Variants in EPHB1 observed in about 807,000 individuals in gnomAD.
The protein encoded by EPHB1 is EPH receptor B1, also known as ephrin type-B receptor 1.
A neutral mutation model predicts 94.4 loss-of-function variants in EPHB1; 30 were observed. The ratio of observed to expected loss-of-function variants is 0.32; its 90% CI spans 0.24 to 0.43. EPHB1 has a LOEUF of 0.43. EPHB1 is among the 20% of genes least tolerant of loss of function. EPHB1 has a pLI of 1.00. For missense variants in EPHB1, 1,055 were observed against 1,308.3 expected, an observed-to-expected ratio of 0.81 and a Z score of 2.99; for synonymous variants, 522 against 489.1, an observed-to-expected ratio of 1.07 and a Z score of -0.89.
chr3:135,095,311 G>T (rs894521147), intron 3 of EPHB1, among the ~76,000 whole-genome samples: 4 of 152,110 alleles, frequency 2.6e-5, no homozygotes, highest in Non-Finnish European at 5.9e-5. Context: ...CCCGTGCCTG[G>T]CATCTAGTAG....
At chr3:134,972,396 G>A (rs1339621172) in intron 3 of EPHB1, among the ~76,000 whole-genome samples, 1 of 144,054 alleles carries the variant, frequency 6.9e-6, no homozygotes, top group African/African-American at 2.5e-5. Context: ...AAATATATAA[G>A]TATATTATAT....
chr3:135,131,073 C>G (rs1041816346), intron 4 of EPHB1, among the ~76,000 whole-genome samples: 10 of 152,178 alleles, frequency 6.6e-5, no homozygotes, highest in African/African-American at 2.2e-4. Flanking sequence ...CCAGCACTAG[C>G]TATGTGATTA....
intron 3 of EPHB1, among the ~76,000 whole-genome samples, chr3:135,078,162 C>T (rs1049232972): frequency 1.3e-5 from 2 of 152,196 alleles, no homozygotes; most frequent in Admixed American, 6.5e-5. Context: ...GGTAAGAGGC[C>T]AGGCTCTTAA....
At chr3:134,801,915 T>C (rs1247775002) in intron 1 of EPHB1, among the ~76,000 whole-genome samples, 1 of 152,206 alleles carries the variant, frequency 6.6e-6, no homozygotes, top group Non-Finnish European at 1.5e-5. Flanking sequence ...GGGAACACAC[T>C]TTCCAGGGAG....
At chr3:135,014,275 G>T (rs1414594249) in intron 3 of EPHB1, among the ~76,000 whole-genome samples, 1 of 152,170 alleles carries the variant, frequency 6.6e-6, no homozygotes, top group African/African-American at 2.4e-5. Flanking sequence ...GGACAGAAGC[G>T]CCATCCAGAA....
At chr3:135,193,198 C>G (rs1302428757) in intron 11 of EPHB1, among the ~76,000 whole-genome samples, 1 of 152,218 alleles carries the variant, frequency 6.6e-6, no homozygotes, top group Admixed American at 6.5e-5. Context: ...AGCACAGCCA[C>G]CCTCCCAGAC....
chr3:135,113,112 A>G (rs940641), intron 4 of EPHB1, among the ~76,000 whole-genome samples: 7,212 of 152,260 alleles, frequency 0.047, 473 homozygotes, highest in African/African-American at 0.15. Flanking sequence ...AAGGTCAAAG[A>G]TCAATAAGAG....
At chr3:134,862,448 T>G (rs2037285611) in intron 1 of EPHB1, among the ~76,000 whole-genome samples, 1 of 151,836 alleles carries the variant, frequency 6.6e-6, no homozygotes, top group South Asian at 2.1e-4. Flanking sequence ...GTCATGGATT[T>G]ATTTTTCTGA....
At chr3:135,008,580 G>A (rs1935507570) in intron 3 of EPHB1, among the ~76,000 whole-genome samples, 1 of 152,218 alleles carries the variant, frequency 6.6e-6, no homozygotes, top group African/African-American at 2.4e-5. Context: ...AGTTCCCAGG[G>A]CAGTTTCTTT....
intron 1 of EPHB1, among the ~76,000 whole-genome samples, chr3:134,905,908 C>T (rs1407382780): frequency 6.6e-6 from 1 of 152,206 alleles, no homozygotes; most frequent in Non-Finnish European, 1.5e-5. Flanking sequence ...CTGCTAGCTT[C>T]ACTCCTCTGC....
chr3:134,917,332 C>T (rs554578515), intron 1 of EPHB1, among the ~76,000 whole-genome samples: 2 of 152,324 alleles, frequency 1.3e-5, no homozygotes, highest in East Asian at 1.9e-4. Context: ...TACACAGCTC[C>T]GTACATTGAA....
intron 2 of EPHB1, among the ~76,000 whole-genome samples, chr3:134,936,581 C>T (rs1216206816): frequency 6.6e-6 from 1 of 151,956 alleles, no homozygotes; most frequent in African/African-American, 2.4e-5. Flanking sequence ...GCCCCCCCCT[C>T]CATTTGAGAT....
Position 135,054,038 on chromosome 3 carries a change from T to TAC in EPHB1, c.806-52409_806-52408insCA, listed in dbSNP as rs113249083. On this transcript the variant is annotated intron_variant, in intron 3 of 15. Coordinates refer to ENST00000398015, the MANE Select transcript of EPHB1 (RefSeq NM_004441.5). ...ATGTGTGTCTGCATATATATATATA[T>TAC]ATACACACACACACACACACACACA... Among the ~76,000 whole-genome samples the TAC allele has an allele frequency of 2.8e-3, 306 of 107,566 alleles. 1 individual carries two copies. The highest frequency in any genetic ancestry group is 0.023 in the South Asian group (76 of 3,308). 70.6% of individuals were successfully genotyped at this position (107,566 alleles called of 152,430 possible).
At chr3:135,115,989 G>T (rs2107803704) in intron 4 of EPHB1, among the ~76,000 whole-genome samples, 1 of 152,288 alleles carries the variant, frequency 6.6e-6, no homozygotes, top group East Asian at 1.9e-4. Context: ...GCCGAGGCGG[G>T]TGGATCACGA....
chr3:135,181,457 A>G (rs1019008660), intron 10 of EPHB1, among the ~76,000 whole-genome samples: 1 of 152,228 alleles, frequency 6.6e-6, no homozygotes, highest in South Asian at 2.1e-4. Flanking sequence ...TGGGTACCAG[A>G]TAAATTGGAT....
At chr3:135,121,864 G>A (rs1939975595) in intron 4 of EPHB1, among the ~76,000 whole-genome samples, 1 of 151,752 alleles carries the variant, frequency 6.6e-6, no homozygotes, top group African/African-American at 2.4e-5. Flanking sequence ...TCTAGAAAGT[G>A]AATAGATGGA....
intron 12 of EPHB1, among the ~76,000 whole-genome samples, chr3:135,204,225 C>T (rs1478869248): frequency 6.6e-6 from 1 of 151,884 alleles, no homozygotes; most frequent in African/African-American, 2.4e-5. Flanking sequence ...TTTTTTGAGA[C>T]AGAGTTTCAC....
At chr3:135,238,500 G>A (rs1256791123) in intron 12 of EPHB1, among the ~76,000 whole-genome samples, 2 of 152,166 alleles carry the variant, frequency 1.3e-5, no homozygotes, top group African/African-American at 4.8e-5. Flanking sequence ...CAGCCCCTGG[G>A]GTTTGCTCCA....
chr3:135,101,629 G>A (rs1217118762), intron 3 of EPHB1, among the ~76,000 whole-genome samples: 14 of 151,766 alleles, frequency 9.2e-5, no homozygotes, highest in African/African-American at 2.9e-4. Flanking sequence ...TGATCCACCC[G>A]CCTCGGCCTC....
Sources: allele counts gnomAD v4.1 joint callset (sites outside exome capture counted in the v4.1 genomes callset), GRCh38; gene constraint gnomAD v4.1.1; transcripts MANE v1.5; gene names NCBI Gene and HGNC (gene_info 2026-07-23, HGNC 2026-07-21).